The following GLIS3 variants were observed in gnomAD, a reference collection of about 807,000 sequenced individuals.
The protein encoded by GLIS3 is GLIS family zinc finger 3, also known as zinc finger protein GLIS3.
Under a neutral mutation model 78.6 loss-of-function variants are expected in GLIS3, and 53 were observed. That is an observed-to-expected ratio of 0.67 (90% CI 0.54 to 0.85). The LOEUF is 0.85. GLIS3 is among the 40% of genes least tolerant of loss of function. The pLI is 0.00. For synonymous variants in GLIS3, 684 were observed against 509.9 expected (o/e 1.34, Z -4.60); for missense variants, 1,703 against 1,231.1 (o/e 1.38, Z -5.74).
At chr9:4,326,979 C>CA (rs1817610049) in intron 2 of GLIS3, among the ~76,000 whole-genome samples, 1 of 152,166 alleles carries the variant, frequency 6.6e-6, no homozygotes, top group Non-Finnish European at 1.5e-5. Context: ...CCTGTGCTGA[C>CA]ACTAGGGGTA....
chr9:4,424,837 G>C, the GLIS3 span, among the ~76,000 whole-genome samples: 2 of 151,932 alleles, frequency 1.3e-5, no homozygotes, highest in African/African-American at 4.8e-5. Flanking sequence ...TAGGATTAAA[G>C]GTGTGAGCCA....
At chr9:4,008,686 G>A (rs1821751333) in intron 4 of GLIS3, among the ~76,000 whole-genome samples, 1 of 152,102 alleles carries the variant, frequency 6.6e-6, no homozygotes, top group Non-Finnish European at 1.5e-5. Context: ...GCTTGCTTAT[G>A]TGAATTCTGT....
the GLIS3 span, among the ~76,000 whole-genome samples, chr9:4,415,315 G>T: frequency 6.6e-6 from 1 of 152,126 alleles, no homozygotes; most frequent in Non-Finnish European, 1.5e-5. Flanking sequence ...CTCAGTCCTG[G>T]CAGGGTAAAT....
chr9:4,289,657 G>A (rs1411435), intron 1 of GLIS3, among the ~76,000 whole-genome samples: 127,273 of 152,038 alleles, frequency 0.84, 54,274 homozygotes, highest in East Asian at 0.96. Context: ...CAGGCTACCA[G>A]TAACAAAAAC....
intron 2 of GLIS3, among the ~76,000 whole-genome samples, chr9:4,278,523 T>C (rs1380870003): frequency 6.6e-6 from 1 of 152,160 alleles, no homozygotes; most frequent in Non-Finnish European, 1.5e-5. Flanking sequence ...TGGTAATGAA[T>C]TCTAACAGAA....
the GLIS3 span, among the ~76,000 whole-genome samples, chr9:4,483,209 G>T: frequency 2.4e-5 from 2 of 83,292 alleles, no homozygotes; most frequent in Admixed American, 1.2e-4. Context: ...TTTAGGCAGA[G>T]AAATGCCGTA....
the GLIS3 span, among the ~76,000 whole-genome samples, chr9:4,389,451 G>A: frequency 6.6e-6 from 1 of 152,188 alleles, no homozygotes; most frequent in Non-Finnish European, 1.5e-5. Flanking sequence ...ACAGTGCATA[G>A]AGCCACGTGG....
At chr9:3,887,924 C>T (rs1030514872) in intron 7 of GLIS3, among the ~76,000 whole-genome samples, 5 of 152,180 alleles carry the variant, frequency 3.3e-5, no homozygotes, top group African/African-American at 9.7e-5. Context: ...CAATGCATGA[C>T]ACAGCTAACC....
chr9:4,440,655 T>C, the GLIS3 span, among the ~76,000 whole-genome samples: 6 of 152,242 alleles, frequency 3.9e-5, no homozygotes, highest in African/African-American at 1.4e-4. Context: ...AAGGTTTCTG[T>C]GGTTCCATTC....
At chr9:4,007,042 G>A (rs16920351) in intron 4 of GLIS3, among the ~76,000 whole-genome samples, 4,545 of 152,192 alleles carry the variant, frequency 0.03, 204 homozygotes, top group African/African-American at 0.091. Flanking sequence ...AGACTGACAC[G>A]GAAATTCTTG....
intron 2 of GLIS3, among the ~76,000 whole-genome samples, chr9:4,207,497 A>C (rs1283234499): frequency 2.0e-5 from 3 of 152,226 alleles, no homozygotes; most frequent in Non-Finnish European, 4.4e-5. Context: ...GACAGGTTAC[A>C]AATCTGGGAG....
At chr9:4,104,799 A>T (rs955212465) in intron 4 of GLIS3, among the ~76,000 whole-genome samples, 4 of 152,168 alleles carry the variant, frequency 2.6e-5, no homozygotes, top group Admixed American at 6.5e-5. Flanking sequence ...ATTATTTATT[A>T]TCTTCCCCCT....
intron 4 of GLIS3, chr9:4,035,058 T>C (rs1824190907): frequency 1.3e-5 from 2 of 152,024 alleles, no homozygotes; most frequent in Non-Finnish European, 2.9e-5. Flanking sequence ...GATGAGACAA[T>C]AAAGCAGAAA....
chr9:3,971,880 G>A (rs1269864854), intron 4 of GLIS3, among the ~76,000 whole-genome samples: 1 of 152,146 alleles, frequency 6.6e-6, no homozygotes. Flanking sequence ...CTCCAGGTCA[G>A]CAATGGCACT....
At chr9:4,170,256 A>C (rs1440502765) in intron 2 of GLIS3, among the ~76,000 whole-genome samples, 1 of 152,234 alleles carries the variant, frequency 6.6e-6, no homozygotes, top group Non-Finnish European at 1.5e-5. Context: ...CAATAAAATT[A>C]GAGAAAAATT....
chr9:4,011,017 G>A (rs1280104685), intron 4 of GLIS3, among the ~76,000 whole-genome samples: 1 of 152,174 alleles, frequency 6.6e-6, no homozygotes, highest in African/African-American at 2.4e-5. Context: ...AGCTACTCAA[G>A]ATGGATAGGA....
intron 4 of GLIS3, among the ~76,000 whole-genome samples, chr9:3,996,150 T>G (rs1820731792): frequency 6.6e-6 from 1 of 152,042 alleles, no homozygotes; most frequent in Non-Finnish European, 1.5e-5. Context: ...CTATCAAAAT[T>G]GCATGCAATT....
rs375227770 is a variant in GLIS3, at chr9:3,932,515, A to C, written c.1873-45T>G. The C allele has an allele frequency of 7.8e-6, 11 of 1,411,548 alleles. No homozygotes were observed. In the Admixed American group the frequency reaches 1.0e-4, roughly 13 times the overall value. 87.4% of individuals were successfully genotyped at this position (1,411,548 alleles called of 1,614,324 possible). On this transcript the variant is annotated intron_variant, in intron 5 of 10. Coordinates refer to ENST00000381971, the MANE Select transcript of GLIS3 (RefSeq NM_001042413.2). ...AGAAACAGCTGTGGTTAAATCATAAAGGTAATTGGGGAATGTTTTACTCAA... is the reference window on the plus strand; with the variant it reads ...AGAAACAGCTGTGGTTAAATCATAACGGTAATTGGGGAATGTTTTACTCAA...
At chr9:4,020,938 A>G (rs1018299298) in intron 4 of GLIS3, among the ~76,000 whole-genome samples, 1 of 152,160 alleles carries the variant, frequency 6.6e-6, no homozygotes, top group African/African-American at 2.4e-5. Context: ...CCAAAAATAG[A>G]GCAGCACAGA....
Sources: gnomAD v4.1 joint callset for allele counts (sites outside exome capture counted in the v4.1 genomes callset) on GRCh38, gnomAD v4.1.1 for gene constraint, MANE v1.5 for transcripts, NCBI Gene and HGNC (gene_info 2026-07-23, HGNC 2026-07-21) for gene names.